DNMT3B: variants seen among roughly 807,000 people sequenced by gnomAD.
DNMT3B encodes the protein DNA (cytosine-5)-methyltransferase 3B.
DNMT3B carries 37 observed loss-of-function variants against 120.2 expected under a neutral mutation model. The observed-to-expected ratio is 0.31, with a 90% CI of 0.24 to 0.40. The LOEUF (loss-of-function observed/expected upper bound fraction) is 0.40, where lower values mean the gene tolerates loss of function less well. Among genes scored for constraint, DNMT3B ranks in the 10% least tolerant of loss-of-function variants. The pLI is 1.00. For synonymous variants in DNMT3B, 412 were observed against 442.8 expected (o/e 0.93, Z 0.87); for missense variants, 878 against 1,137.3 (o/e 0.77, Z 3.28).
intron 22 of DNMT3B, 23 bp from the exon 23 acceptor site, chr20:32,807,731 ACTTGCTGT>A (rs1982122361): frequency 1.2e-6 from 2 of 1,613,078 alleles, no homozygotes; most frequent in Middle Eastern, 1.6e-4. Flanking sequence ...GGCACTTCTG[ACTTGCTGT>A]CTTTTCACTC....
intron 1 of DNMT3B, among the ~76,000 whole-genome samples, chr20:32,766,697 C>T (rs1987390029): frequency 6.6e-6 from 1 of 151,546 alleles, no homozygotes; most frequent in Non-Finnish European, 1.5e-5. Flanking sequence ...AAGCAATTCT[C>T]ATGCCTCAAC....
At chr20:32,791,533 A>G (rs1979972018) in intron 7 of DNMT3B, 68 bp from the exon 8 acceptor site, 1 of 1,479,368 alleles carries the variant, frequency 6.8e-7, no homozygotes, top group Non-Finnish European at 9.4e-7. Context: ...CTGATGGACA[A>G]CATTGTGATA....
intron 6 of DNMT3B, 84 bp downstream of exon 6, chr20:32,787,535 A>G: frequency 7.0e-7 from 1 of 1,419,300 alleles, no homozygotes; most frequent in Non-Finnish European, 9.8e-7. Flanking sequence ...TGTTGGTAAC[A>G]GAGCGACAAC....
intron 1 of DNMT3B, among the ~76,000 whole-genome samples, chr20:32,768,895 G>C (rs1012193240): frequency 3.3e-5 from 5 of 152,210 alleles, no homozygotes; most frequent in Non-Finnish European, 7.3e-5. Flanking sequence ...AGAGCCTCAA[G>C]CTTAGGCACT....
intron 18 of DNMT3B, 47 bp downstream of exon 18, chr20:32,800,972 G>T: frequency 6.2e-7 from 1 of 1,605,606 alleles, no homozygotes; most frequent in South Asian, 1.1e-5. Flanking sequence ...TATGTCACCT[G>T]ACCACTGGCC....
At chr20:32,806,560 C>G (rs1982003321) in intron 22 of DNMT3B, among the ~76,000 whole-genome samples, 1 of 152,226 alleles carries the variant, frequency 6.6e-6, no homozygotes, top group African/African-American at 2.4e-5. Context: ...CACCATCTGT[C>G]TGTTGGCTGC....
At chr20:32,769,661 A>G (rs1468996656) in intron 1 of DNMT3B, among the ~76,000 whole-genome samples, 14 of 152,056 alleles carry the variant, frequency 9.2e-5, no homozygotes, top group Admixed American at 9.2e-4. Context: ...TGCAGGCCTT[A>G]ATTTTGACAT....
rs1982247807 is a variant in DNMT3B, at chr20:32,809,046, A to T, written c.*1143A>T. 1 of 216,854 alleles carries T rather than the reference A, an allele frequency of 4.6e-6. No homozygotes were observed. Among genetic ancestry groups the T allele is most frequent in the African/African-American group, 2.3e-5 (1 of 44,444 alleles). 13.4% of individuals were successfully genotyped at this position (216,854 alleles called of 1,614,324 possible). A position where few individuals can be genotyped will look rare whatever the true frequency, so the allele number is the denominator to read the frequency against. On this transcript the variant is annotated 3_prime_UTR_variant, in exon 23 of 23. Coordinates refer to ENST00000328111, the MANE Select transcript of DNMT3B (RefSeq NM_006892.4). ...GTTTTTAGGGAGAACGGGAATTCAG[A>T]CAAGCTGCATTTCAGAAATGCTGTC...
intron 1 of DNMT3B, among the ~76,000 whole-genome samples, chr20:32,775,561 C>T (rs55768819): frequency 0.026 from 3,904 of 152,260 alleles, 72 homozygotes; most frequent in Non-Finnish European, 0.045. Flanking sequence ...GAAGGCCCCT[C>T]GGGGAGAAGC....
chr20:32,784,295 A>G (rs1978995286), intron 3 of DNMT3B, among the ~76,000 whole-genome samples: 1 of 152,202 alleles, frequency 6.6e-6, no homozygotes, highest in Non-Finnish European at 1.5e-5. Context: ...CCAGACTCCC[A>G]AAGTGTTGGG....
At position 32,792,753 on chromosome 20, in the gene DNMT3B, C is replaced by A. The variant is rs1432193518; in HGVS notation, c.1049C>A (p.Pro350His). 6.2e-7 allele frequency: 1 copy of A among 1,614,184 alleles called. No individual in the cohort carries two copies. ...FKPTGIEGLKPNNTQPVVNKS... is the reference protein window; with the variant it reads ...FKPTGIEGLKHNNTQPVVNKS... ...CCCACTGGGATCGAGGGCCTCAAACCCAACAACACGCAACCAGGTGGGAAT... is the reference window on the plus strand; with the variant it reads ...CCCACTGGGATCGAGGGCCTCAAACACAACAACACGCAACCAGGTGGGAAT... Residue 350 changes from proline to histidine, a missense_variant, in exon 9 of 23, where the codon CCC (proline) becomes CAC (histidine). This residue lies in a region of DNMT3B where 207 missense variants were observed against 222.6 expected (regional missense o/e 0.93). Transcript: ENST00000328111.
intron 2 of DNMT3B, among the ~76,000 whole-genome samples, chr20:32,780,974 T>C (rs550022407): frequency 9.2e-5 from 14 of 152,182 alleles, no homozygotes; most frequent in Non-Finnish European, 1.8e-4. Context: ...ATTTCTGCAT[T>C]GTTCCCCACA....
At chr20:32,769,085 C>T (rs917162316) in intron 1 of DNMT3B, among the ~76,000 whole-genome samples, 1 of 152,110 alleles carries the variant, frequency 6.6e-6, no homozygotes, top group African/African-American at 2.4e-5. Flanking sequence ...AACACTGTTG[C>T]AAATTTTTTT....
At chr20:32,807,682 G>A in intron 22 of DNMT3B, 80 bp from the exon 23 acceptor site, 1 of 1,603,480 alleles carries the variant, frequency 6.2e-7, no homozygotes, top group Non-Finnish European at 8.5e-7. Flanking sequence ...AGGGCAGAAA[G>A]AGTGGGACCT....
chr20:32,773,268 A>G (rs1321913333), intron 1 of DNMT3B, among the ~76,000 whole-genome samples: 1 of 152,012 alleles, frequency 6.6e-6, no homozygotes, highest in African/African-American at 2.4e-5. Context: ...CACCACGCCT[A>G]GTTTATTTTT....
rs1054553740 is a variant in DNMT3B at position 32,807,308 on chromosome 20, A to G, written c.2421-454A>G. 4.6e-5 allele frequency among the ~76,000 whole-genome samples: 7 copies of G among 152,314 alleles called. No homozygotes were observed. In the East Asian group the frequency reaches 1.3e-3, roughly 29 times the overall value. On this transcript the variant is annotated intron_variant, in intron 22 of 22. Transcript: ENST00000328111. ...TATTTGATGCCATCTGCCTGGAGTCATCTAGCATGGTCCTTCATCCGGCAG... is the reference window on the plus strand; with the variant it reads ...TATTTGATGCCATCTGCCTGGAGTCGTCTAGCATGGTCCTTCATCCGGCAG...
chr20:32,769,350 G>A (rs1987580573), intron 1 of DNMT3B, among the ~76,000 whole-genome samples: 1 of 152,188 alleles, frequency 6.6e-6, no homozygotes. Context: ...GCCTCCCAAA[G>A]TACTGGGATT....
chr20:32,791,388 T>A (rs546153855), intron 7 of DNMT3B, among the ~76,000 whole-genome samples: 51 of 152,182 alleles, frequency 3.4e-4, no homozygotes, highest in South Asian at 2.1e-3. Flanking sequence ...CCTAACAAGG[T>A]TCTGGATATC....
rs150736372 is a variant in DNMT3B at position 32,796,829 on chromosome 20, T to C, written c.1337T>C (p.Phe446Ser). ...TGTGGCAGGAAAAACCCCGTGTCCTTCCACCCTCTCTTTGAGGGGGGGCTC... is the reference window on the plus strand; with the variant it reads ...TGTGGCAGGAAAAACCCCGTGTCCTCCCACCCTCTCTTTGAGGGGGGGCTC... Reference protein sequence around the residue: ...LSCGRKNPVSFHPLFEGGLCQ... With the variant: ...LSCGRKNPVSSHPLFEGGLCQ... Residue 446 changes from phenylalanine to serine, a missense_variant, in exon 13 of 23, where the codon TTC becomes TCC. Phe to Ser is a radical substitution (Grantham distance 155, BLOSUM62 -2). This residue lies in a region of DNMT3B where 207 missense variants were observed against 222.6 expected (regional missense o/e 0.93). Transcript: ENST00000328111. 7.4e-5 allele frequency: 119 copies of C among 1,614,090 alleles called. No individual in the cohort carries two copies. In the South Asian group the frequency reaches 9.2e-4, roughly 13 times the overall value.
Sources: gnomAD v4.1 joint callset for allele counts (sites outside exome capture counted in the v4.1 genomes callset) on GRCh38, gnomAD v4.1.1 for gene constraint, gnomAD v4.1.1 regional missense constraint, MANE v1.5 for transcripts, NCBI Gene and HGNC (gene_info 2026-07-23, HGNC 2026-07-21) for gene names.